The following SAMSN1 variants were observed in gnomAD, a reference collection of about 807,000 sequenced individuals.
The protein encoded by SAMSN1 is SAM domain, SH3 domain and nuclear localization signals 1.
In SAMSN1, 31 loss-of-function variants were observed where a neutral mutation model predicts 42.0. That is an observed-to-expected ratio of 0.74 (90% CI 0.55 to 1.00). The LOEUF is 1.00. Ranked by LOEUF, SAMSN1 falls within the 50% of genes least tolerant of loss-of-function variation. The probability of loss-of-function intolerance (pLI) is 0.00; values close to 1 mark genes in which losing one functional copy is unlikely to be tolerated. For synonymous variants in SAMSN1, 178 were observed against 151.9 expected (o/e 1.17, Z -1.26); for missense variants, 464 against 439.4 (o/e 1.06, Z -0.50).
intron 1 of SAMSN1, among the ~76,000 whole-genome samples, chr21:14,653,801 A>T (rs552234180): frequency 1.3e-5 from 2 of 151,848 alleles, no homozygotes; most frequent in South Asian, 4.2e-4. Context: ...CAAAAATTTT[A>T]AAAATTTGAA....
At chr21:14,530,796 A>T (rs1230744615) in intron 1 of SAMSN1, among the ~76,000 whole-genome samples, 47 of 152,144 alleles carry the variant, frequency 3.1e-4, no homozygotes, top group Admixed American at 3.1e-3. Context: ...TGCATTTGCC[A>T]CCTCTACTCA....
chr21:14,490,539 A>G (rs1243490644), intron 7 of SAMSN1, among the ~76,000 whole-genome samples: 1 of 152,228 alleles, frequency 6.6e-6, no homozygotes, highest in African/African-American at 2.4e-5. Context: ...ATTTTAGTGG[A>G]CAACATGGCA....
chr21:14,599,971 A>C (rs1256148156), intron 6 of SAMSN1, among the ~76,000 whole-genome samples: 1 of 152,142 alleles, frequency 6.6e-6, no homozygotes, highest in Non-Finnish European at 1.5e-5. Flanking sequence ...TGTGTACTGA[A>C]TATTGTCACA....
intron 2 of SAMSN1, among the ~76,000 whole-genome samples, chr21:14,557,009 A>C (rs7275507): frequency 1.3e-5 from 2 of 151,950 alleles, no homozygotes; most frequent in African/African-American, 4.8e-5. Flanking sequence ...TCTGGTTGGA[A>C]AGAAATCAGA....
chr21:14,518,119 C>T lies in SAMSN1; in HGVS notation c.130-1078G>A, dbSNP rs9980520. 4.1e-3 allele frequency among the ~76,000 whole-genome samples: 623 copies of T among 152,344 alleles called. 1 individual carries two copies. Among genetic ancestry groups the T allele is most frequent in the African/African-American group, 0.014 (592 of 41,570 alleles). ...TGTATTTGCTTTTGCCATTGGCTTC[C>T]GCCAGATATCCAAGAATTTCTTCCT... On this transcript the variant is annotated intron_variant, in intron 2 of 7. Coordinates refer to ENST00000400566, the MANE Select transcript of SAMSN1 (RefSeq NM_022136.5).
intron 2 of SAMSN1, among the ~76,000 whole-genome samples, chr21:14,627,756 A>G (rs1357547574): frequency 6.6e-6 from 1 of 152,214 alleles, no homozygotes; most frequent in Non-Finnish European, 1.5e-5. Context: ...ACTAACATCA[A>G]ATCAAAAACA....
chr21:14,648,352 G>A (rs1381565261), intron 1 of SAMSN1, among the ~76,000 whole-genome samples: 3 of 152,122 alleles, frequency 2.0e-5, no homozygotes, highest in Admixed American at 1.3e-4. Context: ...TCAGAACATA[G>A]GCATGGGCAA....
At chr21:14,584,199 G>A (rs997080227), upstream of SAMSN1, among the ~76,000 whole-genome samples, 3 of 152,094 alleles carry the variant, frequency 2.0e-5, no homozygotes, top group Non-Finnish European at 2.9e-5. Flanking sequence ...GCTAATATTA[G>A]ATAAAGCAGA....
intron 1 of SAMSN1, among the ~76,000 whole-genome samples, chr21:14,583,000 G>A (rs1600944593): frequency 2.0e-5 from 3 of 152,162 alleles, no homozygotes; most frequent in African/African-American, 7.2e-5. Context: ...GAGATGTATG[G>A]ATGCAGTGTG....
upstream of SAMSN1, among the ~76,000 whole-genome samples, chr21:14,549,127 A>G (rs1330434124): frequency 6.6e-6 from 1 of 152,204 alleles, no homozygotes; most frequent in Non-Finnish European, 1.5e-5. Flanking sequence ...GTGAGCCATA[A>G]AAGGATTGGT....
chr21:14,600,973 A>T (rs886311184), intron 6 of SAMSN1, among the ~76,000 whole-genome samples: 3 of 152,204 alleles, frequency 2.0e-5, no homozygotes, highest in Non-Finnish European at 2.9e-5. Context: ...ACATAGAACT[A>T]TAGTGTTTTA....
intron 2 of SAMSN1, among the ~76,000 whole-genome samples, chr21:14,576,744 G>C (rs547818613): frequency 3.9e-5 from 6 of 152,088 alleles, no homozygotes; most frequent in Non-Finnish European, 5.9e-5. Flanking sequence ...TTTAAGTACA[G>C]CTTTGTTTAT....
chr21:14,487,799 T>C (rs1986500870), intron 7 of SAMSN1, among the ~76,000 whole-genome samples: 2 of 152,172 alleles, frequency 1.3e-5, no homozygotes, highest in Admixed American at 6.6e-5. Flanking sequence ...ATATCAGGTA[T>C]TTGCCTAGTG....
chr21:14,573,186 T>G (rs9979489), intron 2 of SAMSN1, among the ~76,000 whole-genome samples: 2 of 152,148 alleles, frequency 1.3e-5, no homozygotes, highest in African/African-American at 4.8e-5. Context: ...CAAAAGCAGA[T>G]GTCTCTCTCC....
chr21:14,619,651 T>C (rs766611584), intron 2 of SAMSN1: 20 of 321,684 alleles, frequency 6.2e-5, no homozygotes, highest in South Asian at 2.7e-4. Flanking sequence ...TCCTCACCTA[T>C]CACAAAGTTC....
intron 2 of SAMSN1, among the ~76,000 whole-genome samples, chr21:14,620,618 A>G (rs1389345016): frequency 6.6e-6 from 1 of 152,208 alleles, no homozygotes; most frequent in East Asian, 1.9e-4. Context: ...TTAGATGCAA[A>G]AAAGAATTGC....
At chr21:14,567,626 TTGAGTAC>T (rs1235964589) in intron 2 of SAMSN1, among the ~76,000 whole-genome samples, 3 of 152,150 alleles carry the variant, frequency 2.0e-5, no homozygotes, top group Admixed American at 6.6e-5. Context: ...CATAAAGACC[TTGAGTAC>T]TGAGCATTAC....
intron 3 of SAMSN1, among the ~76,000 whole-genome samples, chr21:14,515,348 A>T (rs1170890510): frequency 6.6e-6 from 1 of 152,232 alleles, no homozygotes; most frequent in Non-Finnish European, 1.5e-5. Context: ...ATGACAATAT[A>T]TTTATGGTCA....
At chr21:14,539,846 A>T (rs1979888277) in intron 1 of SAMSN1, among the ~76,000 whole-genome samples, 1 of 152,198 alleles carries the variant, frequency 6.6e-6, no homozygotes, top group Non-Finnish European at 1.5e-5. Context: ...GTCAATCCTA[A>T]GCCAGAAGAA....
Sources: allele counts gnomAD v4.1 joint callset (sites outside exome capture counted in the v4.1 genomes callset), GRCh38; gene constraint gnomAD v4.1.1; transcripts MANE v1.5; gene names NCBI Gene and HGNC (gene_info 2026-07-23, HGNC 2026-07-21).